The following SLC35F2 variants were observed in gnomAD, a reference collection of about 807,000 sequenced individuals.
SLC35F2 encodes the protein solute carrier family 35 member F2.
Under a neutral mutation model 38.1 loss-of-function variants are expected in SLC35F2, and 25 were observed. The ratio of observed to expected loss-of-function variants is 0.66; its 90% CI spans 0.48 to 0.92. SLC35F2 has a LOEUF of 0.92. Among genes scored for constraint, SLC35F2 ranks in the 40% least tolerant of loss-of-function variants. SLC35F2 has a pLI of 0.00. For missense variants in SLC35F2, 409 were observed against 452.9 expected (o/e 0.90, Z 0.88); for synonymous variants, 173 against 181.7 (o/e 0.95, Z 0.38).
intron 4 of SLC35F2, chr11:107,806,495 T>C (rs1859392198): frequency 4.0e-6 from 2 of 499,404 alleles, no homozygotes; most frequent in Admixed American, 6.2e-5. Flanking sequence ...TCTCTCTCAA[T>C]CCAAGGAGAC....
rs976710331 is a variant in SLC35F2 at position 107,791,381 on chromosome 11, A to G, written c.*1234T>C. The stretch of plus-strand genomic sequence containing the variant: ...TCTTGAGCTGATGCTAAATAAAATG[A>G]GATCAATAGGAATATTCCAGGAGGT... On this transcript the variant is annotated 3_prime_UTR_variant, in exon 8 of 8. Coordinates refer to ENST00000525815, the MANE Select transcript of SLC35F2 (RefSeq NM_017515.5). 2.0e-5 allele frequency: 3 copies of G among 152,230 alleles called. No individual in the cohort carries two copies. Among genetic ancestry groups the G allele is most frequent in the Non-Finnish European group, 4.4e-5 (3 of 68,046 alleles). The allele number at this position is 152,230 out of a possible 1,614,324, so 9.4% of individuals were successfully genotyped here.
rs555000743 is a variant in SLC35F2 at position 107,827,049 on chromosome 11, C to T, written c.111-11084G>A. ...TGAATATCGTATATACATACATATACAATATGAATATTGATGTATTCATTG... is the reference window on the plus strand; with the variant it reads ...TGAATATCGTATATACATACATATATAATATGAATATTGATGTATTCATTG... On this transcript the variant is annotated intron_variant, in intron 1 of 7. Coordinates refer to ENST00000525815, the MANE Select transcript of SLC35F2 (RefSeq NM_017515.5). Among the ~76,000 whole-genome samples the T allele has an allele frequency of 5.3e-5, 8 of 151,748 alleles. No individual in the cohort carries two copies. The East Asian group carries it at 1.5e-3, about 29-fold the overall frequency.
intron 7 of SLC35F2, among the ~76,000 whole-genome samples, chr11:107,795,723 C>T (rs1437680622): frequency 2.6e-5 from 4 of 152,226 alleles, no homozygotes; most frequent in Non-Finnish European, 5.9e-5. Flanking sequence ...AAATGTTCAA[C>T]ATCACTAATC....
chr11:107,817,651 G>A (rs1232059853), intron 1 of SLC35F2, among the ~76,000 whole-genome samples: 1 of 152,036 alleles, frequency 6.6e-6, no homozygotes, highest in African/African-American at 2.4e-5. Flanking sequence ...GCCTCACCTT[G>A]AACTACTCTC....
At chr11:107,830,678 T>C (rs189770191) in intron 1 of SLC35F2, among the ~76,000 whole-genome samples, 40 of 151,952 alleles carry the variant, frequency 2.6e-4, no homozygotes, top group Admixed American at 2.0e-3. Context: ...ACAGAAACCC[T>C]ACATGTACCC....
At chr11:107,827,872 T>C (rs928501795) in intron 1 of SLC35F2, among the ~76,000 whole-genome samples, 9 of 151,024 alleles carry the variant, frequency 6.0e-5, no homozygotes, top group East Asian at 5.8e-4. Context: ...GATTGCATCA[T>C]TGCACTCCAG....
intron 7 of SLC35F2, among the ~76,000 whole-genome samples, chr11:107,799,884 T>C (rs1047771602): frequency 9.2e-6 from 1 of 108,680 alleles, no homozygotes; most frequent in African/African-American, 3.5e-5. Flanking sequence ...TTTGTTTTTG[T>C]TTGTTTTTGT....
intron 1 of SLC35F2, among the ~76,000 whole-genome samples, chr11:107,831,321 G>C (rs1859837075): frequency 6.6e-6 from 1 of 152,186 alleles, no homozygotes; most frequent in Admixed American, 6.5e-5. Context: ...CAGGGTGATA[G>C]TATTTGCTCC....
chr11:107,804,105 G>C (rs756366935), intron 6 of SLC35F2, among the ~76,000 whole-genome samples: 1 of 151,646 alleles, frequency 6.6e-6, no homozygotes, highest in African/African-American at 2.4e-5. Flanking sequence ...CAAAGTGCTG[G>C]GATTACGGGC....
At chr11:107,797,869 C>G (rs1008532825) in intron 7 of SLC35F2, among the ~76,000 whole-genome samples, 3 of 152,060 alleles carry the variant, frequency 2.0e-5, no homozygotes, top group Admixed American at 6.6e-5. Flanking sequence ...ATACATAGCA[C>G]AGGGCCCAAC....
intron 7 of SLC35F2, among the ~76,000 whole-genome samples, chr11:107,793,271 C>T (rs1375967710): frequency 6.6e-6 from 1 of 152,224 alleles, no homozygotes; most frequent in Admixed American, 6.5e-5. Flanking sequence ...ACAAAACCTT[C>T]CCATGTATGC....
chr11:107,799,614 G>T (rs189713355), intron 7 of SLC35F2, among the ~76,000 whole-genome samples: 1 of 152,004 alleles, frequency 6.6e-6, no homozygotes, highest in Admixed American at 6.6e-5. Context: ...TTGTTTAGAC[G>T]GAGTCTCACC....
At chr11:107,811,384 T>G (rs1859476507) in intron 3 of SLC35F2, 1 of 344,848 alleles carries the variant, frequency 2.9e-6, no homozygotes, top group Non-Finnish European at 4.1e-6. Context: ...AGAACACGTG[T>G]CAACACCACA....
At chr11:107,828,108 G>A (rs2134818539) in intron 1 of SLC35F2, among the ~76,000 whole-genome samples, 1 of 152,212 alleles carries the variant, frequency 6.6e-6, no homozygotes, top group South Asian at 2.1e-4. Flanking sequence ...AACTGCAATG[G>A]ACTGAAACAC....
Position 107,809,273 on chromosome 11 carries a change from C to T in SLC35F2, c.414+2394G>A, listed in dbSNP as rs1357944220. Among the ~76,000 whole-genome samples the T allele has an allele frequency of 3.5e-5, 5 of 142,534 alleles. No individual in the cohort carries two copies. In the East Asian group the frequency reaches 8.1e-4, roughly 23 times the overall value. The allele number at this position is 142,534 out of a possible 152,430, so 93.5% of individuals were successfully genotyped here. A position where few individuals can be genotyped will look rare whatever the true frequency, so the allele number is the denominator to read the frequency against. On this transcript the variant is annotated intron_variant, in intron 3 of 7. Transcript: ENST00000525815. ...CCAAGGCCGGAGGATCACTTGAGGTCAGGAGTTCGAGACCAGCCTGGCCAA... is the reference window on the plus strand; with the variant it reads ...CCAAGGCCGGAGGATCACTTGAGGTTAGGAGTTCGAGACCAGCCTGGCCAA...
chr11:107,811,739 C>A lies in SLC35F2; in HGVS notation c.342G>T (p.Leu114=). 1 of 1,613,650 alleles carries A rather than the reference C, an allele frequency of 6.2e-7. No individual in the cohort carries two copies. The highest frequency in any genetic ancestry group is 2.2e-5 in the East Asian group (1 of 44,868). Residue 114 remains leucine (L), a synonymous_variant, in exon 3 of 8, where the codon CTG becomes CTT. Transcript: ENST00000525815. ...LKRKWWKYIL[L]GLADVEANYV... ...AATTAGCTTCCACATCTGCTAGTCC[C>A]AGCAGGATGTACTTCCACCATTTTC...
chr11:107,849,848 A>C (rs963198312), intron 1 of SLC35F2, among the ~76,000 whole-genome samples: 1 of 152,146 alleles, frequency 6.6e-6, no homozygotes, highest in Non-Finnish European at 1.5e-5. Context: ...CAGAAAGAGG[A>C]ACCAGAGGCC....
intron 1 of SLC35F2, chr11:107,840,668 C>G: frequency 6.6e-6 from 1 of 152,244 alleles, no homozygotes; most frequent in Admixed American, 6.5e-5. Flanking sequence ...AAGGCTTACA[C>G]AGAATCCTGC....
At chr11:107,805,643 A>G in intron 4 of SLC35F2, 128 bp from the exon 5 acceptor site, 3 of 1,452,984 alleles carry the variant, frequency 2.1e-6, no homozygotes, top group Non-Finnish European at 2.7e-6. Context: ...GGTTACTAGA[A>G]GTTTATGTGT....
Sources: gnomAD v4.1 joint callset for allele counts (sites outside exome capture counted in the v4.1 genomes callset) on GRCh38, gnomAD v4.1.1 for gene constraint, MANE v1.5 for transcripts, NCBI Gene and HGNC (gene_info 2026-07-23, HGNC 2026-07-21) for gene names.